EIF2A: variants seen among roughly 807,000 people sequenced by gnomAD.
EIF2A encodes the protein eukaryotic translation initiation factor 2A, also known as 65 kDa eukaryotic translation initiation factor 2A.
In EIF2A, 62 loss-of-function variants were observed where a neutral mutation model predicts 75.2. The ratio of observed to expected loss-of-function variants is 0.82; its 90% CI spans 0.67 to 1.02. The LOEUF is 1.02. Among genes scored for constraint, EIF2A ranks in the 50% least tolerant of loss-of-function variants. The pLI is 0.00. For missense variants in EIF2A, 611 were observed against 677.7 expected (o/e 0.90, Z 1.09); for synonymous variants, 207 against 239.0 (o/e 0.87, Z 1.23).
At chr3:150,576,439 A>AC (rs1559885142) in intron 11 of EIF2A, among the ~76,000 whole-genome samples, 5 of 152,106 alleles carry the variant, frequency 3.3e-5, no homozygotes, top group African/African-American at 1.2e-4. Flanking sequence ...CGAAAAAAAA[A>AC]GAAAAAAAGC....
intron 1 of EIF2A, among the ~76,000 whole-genome samples, chr3:150,549,923 G>A (rs1576585703): frequency 2.0e-5 from 3 of 152,264 alleles, no homozygotes; most frequent in South Asian, 4.1e-4. Flanking sequence ...TTCAGTGAAT[G>A]TAAGAGTTGG....
At chr3:150,574,815 G>A (rs1223547495) in intron 10 of EIF2A, among the ~76,000 whole-genome samples, 3 of 152,200 alleles carry the variant, frequency 2.0e-5, no homozygotes, top group Non-Finnish European at 4.4e-5. Flanking sequence ...AAACTTCATG[G>A]AGAGCTGGTA....
intron 12 of EIF2A, among the ~76,000 whole-genome samples, chr3:150,581,986 A>G (rs1725207506): frequency 6.6e-6 from 1 of 152,100 alleles, no homozygotes; most frequent in East Asian, 1.9e-4. Context: ...AGTGTGCATC[A>G]GCATAGAAAT....
At chr3:150,578,286 AATT>A (rs201299667) in intron 11 of EIF2A, among the ~76,000 whole-genome samples, 2,199 of 148,768 alleles carry the variant, frequency 0.015, 52 homozygotes, top group African/African-American at 0.051. Context: ...ATATGATTAT[AATT>A]ATTAATAATT....
At chr3:150,568,584 C>T (rs750921096) in intron 9 of EIF2A, among the ~76,000 whole-genome samples, 15 of 152,100 alleles carry the variant, frequency 9.9e-5, no homozygotes, top group African/African-American at 1.2e-4. Flanking sequence ...CTAATTATGA[C>T]GGCAAATTGC....
chr3:150,576,562 A>G (rs1343825062), intron 11 of EIF2A, among the ~76,000 whole-genome samples: 1 of 152,232 alleles, frequency 6.6e-6, no homozygotes, highest in African/African-American at 2.4e-5. Flanking sequence ...TGTCTATATG[A>G]TGGGTGACAA....
At position 150,549,363 on chromosome 3, in the gene EIF2A, C is replaced by T. The variant is rs183391351; in HGVS notation, c.28+2533C>T. Among the ~76,000 whole-genome samples the T allele has an allele frequency of 5.1e-4, 77 of 152,106 alleles. No homozygotes were observed. The East Asian group carries it at 0.013, about 26-fold the overall frequency. On this transcript the variant is annotated intron_variant, in intron 1 of 13. Coordinates refer to ENST00000460851, the MANE Select transcript of EIF2A (RefSeq NM_032025.5). ...CCTCCTGAGTAGCTGGGATTACAGG[C>T]GTGCACCACCACGCCCAGCTAATTT...
At chr3:150,557,630 C>G (rs1373074398) in intron 2 of EIF2A, 1 of 326,144 alleles carries the variant, frequency 3.1e-6, no homozygotes, top group Non-Finnish European at 6.1e-6. Flanking sequence ...AACTCCCAAC[C>G]TCAGGTGATC....
chr3:150,571,667 C>A (rs1228089475), intron 9 of EIF2A, among the ~76,000 whole-genome samples: 1 of 152,122 alleles, frequency 6.6e-6, no homozygotes, highest in African/African-American at 2.4e-5. Context: ...TTACCATCTG[C>A]ACGTATTACC....
At chr3:150,580,563 T>C (rs1456383806) in intron 11 of EIF2A, among the ~76,000 whole-genome samples, 1 of 152,158 alleles carries the variant, frequency 6.6e-6, no homozygotes, top group Non-Finnish European at 1.5e-5. Context: ...CTAATCTCTT[T>C]TTTCTTCTTC....
intron 4 of EIF2A, among the ~76,000 whole-genome samples, 149 bp from the exon 5 acceptor site, chr3:150,563,362 CATTT>C (rs996235395): frequency 1.5e-4 from 23 of 152,002 alleles, no homozygotes; most frequent in African/African-American, 4.3e-4. Context: ...TGTAACCTTT[CATTT>C]ATTTATTTAT....
intron 2 of EIF2A, among the ~76,000 whole-genome samples, 192 bp from the exon 3 acceptor site, chr3:150,558,196 T>C (rs2107914475): frequency 6.6e-6 from 1 of 152,362 alleles, no homozygotes; most frequent in South Asian, 2.1e-4. Context: ...TGAAATCATT[T>C]TCCAGCTTAC....
chr3:150,550,306 A>G (rs1238300543), intron 1 of EIF2A, among the ~76,000 whole-genome samples: 1 of 152,236 alleles, frequency 6.6e-6, no homozygotes, highest in African/African-American at 2.4e-5. Flanking sequence ...CTTGTAACTA[A>G]AAAGGATTCC....
At chr3:150,561,618 C>T (rs1559877507) in intron 3 of EIF2A, among the ~76,000 whole-genome samples, 1 of 151,918 alleles carries the variant, frequency 6.6e-6, no homozygotes, top group Admixed American at 6.6e-5. Flanking sequence ...GCCATTTTCT[C>T]TAGCACCTCT....
chr3:150,576,068 A>G (rs1724845709), intron 11 of EIF2A, among the ~76,000 whole-genome samples: 1 of 152,150 alleles, frequency 6.6e-6, no homozygotes, highest in Non-Finnish European at 1.5e-5. Flanking sequence ...AGCCTGTGCG[A>G]CAGAGAGAGA....
At chr3:150,569,289 T>C (rs771810338) in intron 9 of EIF2A, among the ~76,000 whole-genome samples, 3 of 152,048 alleles carry the variant, frequency 2.0e-5, no homozygotes, top group East Asian at 3.9e-4. Context: ...AGAACAAATA[T>C]ATAGGGCCAA....
At chr3:150,567,345 A>G (rs1724243279) in intron 6 of EIF2A, 1 of 181,544 alleles carries the variant, frequency 5.5e-6, no homozygotes, top group Admixed American at 6.0e-5. Flanking sequence ...AATAGGCTCT[A>G]AGACCACTTT....
At chr3:150,562,695 C>T (rs375195321) in intron 4 of EIF2A, 35 bp downstream of exon 4, 39 of 1,490,674 alleles carry the variant, frequency 2.6e-5, no homozygotes, top group Admixed American at 1.3e-4. Flanking sequence ...TACTCTGACA[C>T]GATCAATTAC....
At chr3:150,548,814 A>G (rs1276824805) in intron 1 of EIF2A, among the ~76,000 whole-genome samples, 2 of 152,076 alleles carry the variant, frequency 1.3e-5, no homozygotes, top group Admixed American at 6.5e-5. Flanking sequence ...TCATATTCTC[A>G]TATTCTTAGA....
Sources: allele counts gnomAD v4.1 joint callset (sites outside exome capture counted in the v4.1 genomes callset), GRCh38; gene constraint gnomAD v4.1.1; transcripts MANE v1.5; gene names NCBI Gene and HGNC (gene_info 2026-07-23, HGNC 2026-07-21).